The following SCEL variants were observed in gnomAD, a reference collection of about 807,000 sequenced individuals.
SCEL encodes sciellin.
Under a neutral mutation model 117.6 loss-of-function variants are expected in SCEL, and 113 were observed. That is an observed-to-expected ratio of 0.96 (90% CI 0.83 to 1.12). The LOEUF is 1.12. SCEL is among the 50% of genes most tolerant of loss of function. The pLI is 0.00. For synonymous variants in SCEL, 270 were observed against 256.2 expected (o/e 1.05, Z -0.51); for missense variants, 785 against 810.8 (o/e 0.97, Z 0.39).
At position 77,569,363 on chromosome 13, in the gene SCEL, T is replaced by A. The variant is rs1290221457; in HGVS notation, c.399-8T>A. The A allele has an allele frequency of 3.1e-6, 5 of 1,612,340 alleles. No homozygotes were observed. The highest frequency in any genetic ancestry group is 4.2e-6 in the Non-Finnish European group (5 of 1,178,586). Reference sequence around the variant, plus strand: ...GTGGGATTAATTGTTGTTCTTGTCATTAAACAGGCAACCTGGCGGTTCATT... The same window carrying A: ...GTGGGATTAATTGTTGTTCTTGTCAATAAACAGGCAACCTGGCGGTTCATT... On this transcript the variant is annotated splice_polypyrimidine_tract_variant and splice_region_variant and intron_variant, in intron 7 of 32. Transcript: ENST00000349847.
In SCEL at chr13:77,560,759, G is replaced by A. The variant is rs1334560353; in HGVS notation, c.221+896G>A. ...TCCATACAAACAACCACACCCATCA[G>A]AAGAACCTAATTATTTATCAGACAC... On this transcript the variant is annotated intron_variant, in intron 4 of 32. Coordinates refer to ENST00000349847, the MANE Select transcript of SCEL (RefSeq NM_144777.3). Among the ~76,000 whole-genome samples the A allele has an allele frequency of 3.9e-5, 6 of 152,168 alleles. No individual in the cohort carries two copies. The South Asian group carries it at 1.0e-3, about 26-fold the overall frequency.
At position 77,599,397 on chromosome 13, in the gene SCEL, A is replaced by C; in HGVS notation, c.857+9A>C. Reference sequence around the variant, plus strand: ...GAAGAAAGAGAGAAAAGGTAAGTGCATCTGTCTCAAATATGAAAATCTTAC... The same window carrying C: ...GAAGAAAGAGAGAAAAGGTAAGTGCCTCTGTCTCAAATATGAAAATCTTAC... On this transcript the variant is annotated intron_variant, in intron 14 of 32. Transcript: ENST00000349847. 6.2e-7 allele frequency: 1 copy of C among 1,607,286 alleles called. No homozygotes were observed. Among genetic ancestry groups the C allele is most frequent in the Non-Finnish European group, 8.5e-7 (1 of 1,174,654 alleles).
chr13:77,560,886 AGACACTTGG>A (rs2084941432), intron 4 of SCEL, among the ~76,000 whole-genome samples: 1 of 151,978 alleles, frequency 6.6e-6, no homozygotes, highest in Non-Finnish European at 1.5e-5. Context: ...AAAGTTAAGC[AGACACTTGG>A]GACACGTCTA....
At chr13:77,599,806 T>A in intron 15 of SCEL, 58 bp downstream of exon 15, 2 of 1,223,860 alleles carry the variant, frequency 1.6e-6, no homozygotes, top group Non-Finnish European at 2.4e-6. Flanking sequence ...TACTATTTTC[T>A]GGAGGAGACC....
intron 5 of SCEL, among the ~76,000 whole-genome samples, chr13:77,564,854 T>C (rs2085196923): frequency 6.6e-6 from 1 of 152,210 alleles, no homozygotes; most frequent in Non-Finnish European, 1.5e-5. Flanking sequence ...GTCACCCTAA[T>C]AGAGGACAAT....
chr13:77,590,193 A>C (rs1335082938), intron 10 of SCEL, among the ~76,000 whole-genome samples: 1 of 152,084 alleles, frequency 6.6e-6, no homozygotes, highest in Non-Finnish European at 1.5e-5. Context: ...CTTCAGTTAC[A>C]AAGTTTTGAC....
chr13:77,620,871 CATCCCCAAGTTTTT>C (rs1341642339), intron 27 of SCEL, among the ~76,000 whole-genome samples: 1 of 152,106 alleles, frequency 6.6e-6, no homozygotes, highest in African/African-American at 2.4e-5. Flanking sequence ...TTTGTTAAGA[CATCCCCAAGTTTTT>C]AGTATTCCAA....
intron 1 of SCEL, among the ~76,000 whole-genome samples, chr13:77,548,632 G>A (rs184383295): frequency 4.6e-5 from 7 of 152,352 alleles, no homozygotes; most frequent in African/African-American, 7.2e-5. Context: ...CCCACGTGTC[G>A]TGGGAGGGAC....
At position 77,608,113 on chromosome 13, in the gene SCEL, A is replaced by C; in HGVS notation, c.1215A>C (p.Gln405His). The C allele has an allele frequency of 6.2e-7, 1 of 1,610,992 alleles. No individual in the cohort carries two copies. The highest frequency in any genetic ancestry group is 1.1e-5 in the South Asian group (1 of 90,826). ...CCCCTGAAGTAAAGAGAAGTAACCA[A>C]GGGTGAGGACTATGTCTTACCTCTC... Reference protein sequence around the residue: ...KVTPEVKRSNQGSKDLNNFIK... With the variant: ...KVTPEVKRSNHGSKDLNNFIK... The change falls in exon 20 of 33, where the codon CAA (glutamine) becomes CAC (histidine). Residue 405 changes from glutamine to histidine, a missense_variant and splice_region_variant. Gln to His is a conservative substitution (Grantham distance 24). Coordinates refer to ENST00000349847, the MANE Select transcript of SCEL (RefSeq NM_144777.3).
chr13:77,600,971 C>T (rs565145108), intron 15 of SCEL, among the ~76,000 whole-genome samples: 1 of 152,190 alleles, frequency 6.6e-6, no homozygotes, highest in Non-Finnish European at 1.5e-5. Flanking sequence ...ATGTAGAACA[C>T]TTAACAAAGT....
At position 77,593,295 on chromosome 13, in the gene SCEL, T is replaced by TGTGTGTGTGTGCGC. The variant is rs796907419; in HGVS notation, c.693-217_693-216insGTGTGTGTGCGCGT. Among the ~76,000 whole-genome samples, 969 of 136,852 alleles carry TGTGTGTGTGTGCGC rather than the reference T, an allele frequency of 7.1e-3. 21 individuals are homozygous for TGTGTGTGTGTGCGC. Among genetic ancestry groups the TGTGTGTGTGTGCGC allele is most frequent in the African/African-American group, 0.017 (605 of 35,874 alleles). The allele number at this position is 136,852 out of a possible 152,430, so 89.8% of individuals were successfully genotyped here. ...GTGTGTGTGTGTGTGTGTGTGTGTG[T>TGTGTGTGTGTGCGC]GTCTGTGTGTGTGTGTGTGTGTGTC... On this transcript the variant is annotated intron_variant, in intron 11 of 32. Coordinates refer to ENST00000349847, the MANE Select transcript of SCEL (RefSeq NM_144777.3).
intron 1 of SCEL, among the ~76,000 whole-genome samples, chr13:77,538,408 G>A (rs544030149): frequency 3.9e-5 from 6 of 152,068 alleles, no homozygotes; most frequent in East Asian, 3.9e-4. Context: ...TAGCCAATGC[G>A]CCCGGCCTTA....
intron 8 of SCEL, among the ~76,000 whole-genome samples, chr13:77,570,054 A>T: frequency 6.6e-6 from 1 of 151,800 alleles, no homozygotes; most frequent in East Asian, 1.9e-4. Context: ...TGTTGAAAAA[A>T]CCCCAGGGCT....
intron 13 of SCEL, among the ~76,000 whole-genome samples, chr13:77,598,155 C>G (rs1594070980): frequency 6.6e-6 from 1 of 152,184 alleles, no homozygotes; most frequent in East Asian, 1.9e-4. Context: ...GAGATGGGGT[C>G]TCACTATGTT....
Position 77,589,180 on chromosome 13 carries a change from C to T in SCEL, c.582C>T (p.Pro194=), listed in dbSNP as rs2086728507. The T allele has an allele frequency of 2.5e-6, 4 of 1,613,180 alleles. No individual in the cohort carries two copies. Among genetic ancestry groups the T allele is most frequent in the Non-Finnish European group, 3.4e-6 (4 of 1,179,256 alleles). ...TTCACCCTCCAATACCTCCAAAGCC[C>T]AGTTCTCCTGTTTCTTCTCCTAACC... ...PGVHPPIPPK[P]SSPVSSPNQL... Residue 194 remains proline (P), a synonymous_variant, in exon 10 of 33, where the codon CCC becomes CCT. Coordinates refer to ENST00000349847, the MANE Select transcript of SCEL (RefSeq NM_144777.3).
At chr13:77,573,638 CATCTATCTATCT>C (rs10565753) in intron 9 of SCEL, among the ~76,000 whole-genome samples, 2,151 of 149,862 alleles carry the variant, frequency 0.014, 30 homozygotes, top group African/African-American at 0.038. Flanking sequence ...TCTGTCATTA[CATCTATCTATCT>C]ATCTATCTAT....
chr13:77,614,301 G>T (rs1373063263), intron 24 of SCEL, among the ~76,000 whole-genome samples: 1 of 152,006 alleles, frequency 6.6e-6, no homozygotes, highest in African/African-American at 2.4e-5. Context: ...ATTTATTAAT[G>T]GTAGTTAATT....
intron 1 of SCEL, among the ~76,000 whole-genome samples, chr13:77,551,077 T>A (rs1032923373): frequency 6.6e-6 from 1 of 152,184 alleles, no homozygotes; most frequent in African/African-American, 2.4e-5. Context: ...CTGATGGGCA[T>A]TAGTGCTGTT....
chr13:77,537,330 A>G (rs2083462738), intron 1 of SCEL, among the ~76,000 whole-genome samples: 1 of 152,234 alleles, frequency 6.6e-6, no homozygotes, highest in African/African-American at 2.4e-5. Context: ...AGATCAGAGT[A>G]GCAGAACCAG....
Sources: gnomAD v4.1 joint callset for allele counts (sites outside exome capture counted in the v4.1 genomes callset) on GRCh38, gnomAD v4.1.1 for gene constraint, MANE v1.5 for transcripts, NCBI Gene and HGNC (gene_info 2026-07-23, HGNC 2026-07-21) for gene names.